CNTNAP2: variants seen among roughly 807,000 people sequenced by gnomAD.
CNTNAP2 encodes the protein contactin-associated protein-like 2.
A neutral mutation model predicts 155.2 loss-of-function variants in CNTNAP2; 98 were observed. The observed-to-expected ratio is 0.63, with a 90% confidence interval of 0.54 to 0.75. The LOEUF is 0.75. Ranked by LOEUF, CNTNAP2 falls within the 30% of genes least tolerant of loss-of-function variation. The pLI, the probability that CNTNAP2 is intolerant of heterozygous loss-of-function variation, is 0.00. For missense variants in CNTNAP2, 1,727 were observed against 1,688.1 expected (o/e 1.02, Z -0.40); for synonymous variants, 651 against 631.2 (o/e 1.03, Z -0.47).
intron 1 of CNTNAP2, among the ~76,000 whole-genome samples, chr7:146,563,340 A>G (rs1039743948): frequency 6.6e-6 from 1 of 152,144 alleles, no homozygotes; most frequent in Non-Finnish European, 1.5e-5. Context: ...TATTCAAAGA[A>G]GACTTCCAAA....
At chr7:146,910,818 A>C (rs1364215468) in intron 3 of CNTNAP2, among the ~76,000 whole-genome samples, 1 of 148,894 alleles carries the variant, frequency 6.7e-6, no homozygotes, top group East Asian at 2.0e-4. Flanking sequence ...ATCTAATTAA[A>C]CTAAAGAGCT....
chr7:147,688,131 T>G (rs189777166), intron 13 of CNTNAP2, among the ~76,000 whole-genome samples: 2,508 of 152,230 alleles, frequency 0.016, 224 homozygotes, highest in Admixed American at 0.15. Context: ...TCTCTCTCTC[T>G]CTTTAAATAT....
chr7:146,840,297 TGATA>T (rs1803696253), intron 3 of CNTNAP2, among the ~76,000 whole-genome samples: 1 of 152,310 alleles, frequency 6.6e-6, no homozygotes, highest in Admixed American at 6.5e-5. Flanking sequence ...GTAAGAGCAG[TGATA>T]GATGTTAAGA....
chr7:146,995,469 T>C (rs10280931), intron 3 of CNTNAP2, among the ~76,000 whole-genome samples: 51,118 of 151,908 alleles, frequency 0.34, 8,801 homozygotes, highest in African/African-American at 0.4. Flanking sequence ...ATAAGACTTC[T>C]GTTTTCTCCA....
intron 15 of CNTNAP2, among the ~76,000 whole-genome samples, chr7:148,095,129 C>T (rs1360241012): frequency 3.3e-5 from 5 of 152,186 alleles, no homozygotes; most frequent in Admixed American, 1.3e-4. Context: ...GAACTTCCTC[C>T]GTCCTGGACC....
At chr7:146,793,067 G>A (rs1378994475) in intron 2 of CNTNAP2, among the ~76,000 whole-genome samples, 1 of 152,072 alleles carries the variant, frequency 6.6e-6, no homozygotes. Flanking sequence ...ATTTTGTTAT[G>A]TAATCAATAT....
At chr7:147,567,946 T>A (rs1489538255) in intron 12 of CNTNAP2, among the ~76,000 whole-genome samples, 1 of 151,848 alleles carries the variant, frequency 6.6e-6, no homozygotes, top group Non-Finnish European at 1.5e-5. Flanking sequence ...ATTAACTGGG[T>A]GTGGTGGCGC....
chr7:146,347,011 A>G (rs1794828483), intron 1 of CNTNAP2, among the ~76,000 whole-genome samples: 2 of 151,960 alleles, frequency 1.3e-5, no homozygotes, highest in Admixed American at 6.6e-5. Context: ...CCTCCTATAC[A>G]GAACCAAGAC....
At chr7:146,823,265 C>T (rs1036856305) in intron 2 of CNTNAP2, among the ~76,000 whole-genome samples, 3 of 149,630 alleles carry the variant, frequency 2.0e-5, no homozygotes, top group Non-Finnish European at 4.4e-5. Flanking sequence ...ACTCATTCTT[C>T]AGTATAATTA....
chr7:147,508,457 C>T (rs769676159), intron 11 of CNTNAP2, among the ~76,000 whole-genome samples: 4 of 152,168 alleles, frequency 2.6e-5, no homozygotes, highest in African/African-American at 7.2e-5. Context: ...AACACAGATA[C>T]TCCCCATTTC....
chr7:147,195,261 T>C (rs1292212296), intron 8 of CNTNAP2, among the ~76,000 whole-genome samples: 1 of 152,182 alleles, frequency 6.6e-6, no homozygotes, highest in African/African-American at 2.4e-5. Context: ...AAGGTCTCTA[T>C]TCTGCTCCAT....
chr7:148,181,021 T>C (rs1296804489), intron 18 of CNTNAP2, among the ~76,000 whole-genome samples: 2 of 152,202 alleles, frequency 1.3e-5, no homozygotes, highest in Non-Finnish European at 2.9e-5. Context: ...TGAGATATAC[T>C]GTTTTGGGGC....
chr7:146,854,641 C>T (rs1033637509), intron 3 of CNTNAP2, among the ~76,000 whole-genome samples: 1 of 152,088 alleles, frequency 6.6e-6, no homozygotes, highest in African/African-American at 2.4e-5. Flanking sequence ...GATATAAGTA[C>T]ACGGGATCTA....
chr7:146,272,735 G>A (rs1478640573), intron 1 of CNTNAP2, among the ~76,000 whole-genome samples: 1 of 152,116 alleles, frequency 6.6e-6, no homozygotes, highest in Admixed American at 6.6e-5. Context: ...AGAAGTCAGA[G>A]GCAATAGATT....
chr7:147,885,208 G>A (rs1487956789), intron 13 of CNTNAP2, among the ~76,000 whole-genome samples: 1 of 152,130 alleles, frequency 6.6e-6, no homozygotes, highest in Non-Finnish European at 1.5e-5. Flanking sequence ...GTGTTAAATA[G>A]TAGAAAAGAA....
intron 3 of CNTNAP2, among the ~76,000 whole-genome samples, chr7:146,993,306 G>A (rs1316928426): frequency 6.6e-6 from 1 of 152,112 alleles, no homozygotes; most frequent in African/African-American, 2.4e-5. Context: ...GCACTTGGGA[G>A]GTGAGCAAGT....
At chr7:146,964,598 A>G (rs1398478999) in intron 3 of CNTNAP2, among the ~76,000 whole-genome samples, 1 of 152,228 alleles carries the variant, frequency 6.6e-6, no homozygotes, top group African/African-American at 2.4e-5. Flanking sequence ...ACTCAGAGGA[A>G]CAATTTATGT....
intron 19 of CNTNAP2, among the ~76,000 whole-genome samples, chr7:148,228,522 C>T (rs1402521565): frequency 6.6e-6 from 1 of 152,130 alleles, no homozygotes; most frequent in African/African-American, 2.4e-5. Context: ...CCCAAAATCT[C>T]ATCTTTAAGA....
intron 17 of CNTNAP2, among the ~76,000 whole-genome samples, chr7:148,161,007 C>A (rs1411106237): frequency 6.6e-6 from 1 of 152,156 alleles, no homozygotes; most frequent in Non-Finnish European, 1.5e-5. Flanking sequence ...GGTTTCTTGA[C>A]CCAATATCCC....
Sources: allele counts gnomAD v4.1 joint callset (sites outside exome capture counted in the v4.1 genomes callset), GRCh38; gene constraint gnomAD v4.1.1; transcripts MANE v1.5; gene names NCBI Gene and HGNC (gene_info 2026-07-23, HGNC 2026-07-21).